Variants in BACE1 observed in about 807,000 individuals in gnomAD.
BACE1 encodes the protein APP beta-secretase.
In BACE1, 21 loss-of-function variants were observed where a neutral mutation model predicts 54.0. The ratio of observed to expected loss-of-function variants is 0.39; its 90% CI spans 0.28 to 0.56. The LOEUF is 0.56. Ranked by LOEUF, BACE1 falls within the 20% of genes least tolerant of loss-of-function variation. The probability of loss-of-function intolerance (pLI) is 0.63; values close to 1 mark genes in which losing one functional copy is unlikely to be tolerated. For missense variants in BACE1, 511 were observed against 661.2 expected, an observed-to-expected ratio of 0.77 and a Z score of 2.49; for synonymous variants, 232 against 260.9, an observed-to-expected ratio of 0.89 and a Z score of 1.07.
chr11:117,295,557 T>C (rs756693364), intron 2 of BACE1: 9 of 1,535,754 alleles, frequency 5.9e-6, no homozygotes, highest in African/African-American at 1.4e-5. Context: ...TTGGTGAGGC[T>C]TGCTCTCCTA....
At position 117,306,369 on chromosome 11, in the gene BACE1, T is replaced by C. The variant is rs1164079719; in HGVS notation, c.261+9166A>G. On this transcript the variant is annotated intron_variant, in intron 1 of 8. Coordinates refer to ENST00000313005, the MANE Select transcript of BACE1 (RefSeq NM_012104.6). ...ACAGGTTACAGTGGCTTGAATCTTC[T>C]CTTGCTCTGTCCTCAGTTGAAAATG... Among the ~76,000 whole-genome samples the C allele has an allele frequency of 5.3e-5, 8 of 152,198 alleles. No individual in the cohort carries two copies. The East Asian group carries it at 5.8e-4, about 11-fold the overall frequency.
intron 1 of BACE1, among the ~76,000 whole-genome samples, chr11:117,301,619 A>G (rs565752213): frequency 6.6e-6 from 1 of 152,016 alleles, no homozygotes; most frequent in South Asian, 2.1e-4. Flanking sequence ...AAAAAAAAAA[A>G]AGGTCAAATT....
chr11:117,294,206 C>T lies in BACE1; in HGVS notation c.568-198G>A, dbSNP rs2034535611. ...AAACAGGACAGTATTGATAGGTTCA[C>T]AGATTCATAGATCTTTTTTTTTTTT... On this transcript the variant is annotated intron_variant, in intron 3 of 8. Transcript: ENST00000313005. 2.9e-5 allele frequency: 12 copies of T among 413,178 alleles called. 1 individual carries two copies. Among genetic ancestry groups the T allele is most frequent in the Admixed American group, 2.1e-4 (5 of 23,384 alleles). The allele number at this position is 413,178 out of a possible 1,614,324, so 25.6% of individuals were successfully genotyped here. A position where few individuals can be genotyped will look rare whatever the true frequency, so the allele number is the denominator to read the frequency against.
Position 117,287,075 on chromosome 11 carries a change from T to G in BACE1, c.*2491A>C, listed in dbSNP as rs1303184033. 6.6e-6 allele frequency: 1 copy of G among 152,154 alleles called. No homozygotes were observed. The highest frequency in any genetic ancestry group is 1.5e-5 in the Non-Finnish European group (1 of 68,030). The allele number at this position is 152,154 out of a possible 1,614,324, so 9.4% of individuals were successfully genotyped here. On this transcript the variant is annotated 3_prime_UTR_variant, in exon 9 of 9. Coordinates refer to ENST00000313005, the MANE Select transcript of BACE1 (RefSeq NM_012104.6). ...CATATTGTTTCTTTTCCAAAATCCT[T>G]TGAAGCCAAAGGAGTAAAGAAAGAA...
At chr11:117,292,887 T>C in intron 5 of BACE1, 167 bp downstream of exon 5, 1 of 751,486 alleles carries the variant, frequency 1.3e-6, no homozygotes, top group South Asian at 2.1e-5. Flanking sequence ...AAACCGCAGA[T>C]CCTGCTGTGT....
rs77759536 is a variant in BACE1, at chr11:117,304,646, C to T, written c.262-7685G>A. Among the ~76,000 whole-genome samples the T allele has an allele frequency of 2.6e-5, 4 of 152,338 alleles. No individual in the cohort carries two copies. The East Asian group carries it at 5.8e-4, about 22-fold the overall frequency. ...GTCTGCAGCATTCTTTCCCTGTTCT[C>T]ATGTTCACATTACACTTTAAATATC... On this transcript the variant is annotated intron_variant, in intron 1 of 8. Coordinates refer to ENST00000313005, the MANE Select transcript of BACE1 (RefSeq NM_012104.6).
rs558921705 is a variant in BACE1 at position 117,297,159 on chromosome 11, G to A, written c.262-198C>T. On this transcript the variant is annotated intron_variant, in intron 1 of 8. Transcript: ENST00000313005. ...ACCTGGGGTCCTGTGGTGCTGCAGG[G>A]GCCAAAGGAACACTTCCCCTGTGCC... 3.9e-4 allele frequency: 208 copies of A among 536,548 alleles called. 2 individuals are homozygous for A. Among genetic ancestry groups the A allele is most frequent in the Non-Finnish European group, 5.8e-4 (179 of 307,858 alleles). 33.2% of individuals were successfully genotyped at this position (536,548 alleles called of 1,614,324 possible). A position where few individuals can be genotyped will look rare whatever the true frequency, so the allele number is the denominator to read the frequency against.
chr11:117,313,249 G>A (rs1053700566), intron 1 of BACE1, among the ~76,000 whole-genome samples: 33 of 152,118 alleles, frequency 2.2e-4, no homozygotes, highest in Admixed American at 2.0e-3. Context: ...CTTTAGTTGT[G>A]GGCTCCCTGG....
chr11:117,307,946 AC>A (rs1189666438), intron 1 of BACE1, among the ~76,000 whole-genome samples: 10 of 151,376 alleles, frequency 6.6e-5, no homozygotes, highest in African/African-American at 2.4e-4. Context: ...ATGGTTTTCA[AC>A]CTTTTTATTG....
intron 5 of BACE1, chr11:117,292,176 CTTTTCTTTTTTTTTT>C (rs1449470890): frequency 1.3e-5 from 1 of 77,660 alleles, no homozygotes; most frequent in Non-Finnish European, 2.7e-5. Flanking sequence ...TTTAACTTTT[CTTTTCTTTTTTTTTT>C]TTTTTTTTTT....
At position 117,291,711 on chromosome 11, in the gene BACE1, C is replaced by A; in HGVS notation, c.942+1G>T. ...TTTACCCCCATCCTTAGTCCACTCACGGAGGAGGCTGCCTTGATGGATTTG... is the reference window on the plus strand; with the variant it reads ...TTTACCCCCATCCTTAGTCCACTCAAGGAGGAGGCTGCCTTGATGGATTTG... On this transcript the variant is annotated splice_donor_variant, in intron 6 of 8. Transcript: ENST00000313005. LOFTEE classifies it high-confidence loss of function. 2 of 1,609,564 alleles carry A rather than the reference C, an allele frequency of 1.2e-6. No homozygotes were observed. Among genetic ancestry groups the A allele is most frequent in the Non-Finnish European group, 1.7e-6 (2 of 1,176,060 alleles).
chr11:117,296,737 T>A, intron 2 of BACE1, 136 bp downstream of exon 2: 1 of 660,226 alleles, frequency 1.5e-6, no homozygotes. Flanking sequence ...GGTCACTGTC[T>A]TTTTTTCGCC....
At chr11:117,291,283 T>G (rs560305021) in intron 6 of BACE1, among the ~76,000 whole-genome samples, 78 of 152,062 alleles carry the variant, frequency 5.1e-4, no homozygotes, top group Non-Finnish European at 8.5e-4. Context: ...GAAGAGTTTT[T>G]TTTTTTTTTT....
At position 117,296,878 on chromosome 11, in the gene BACE1, C is replaced by T; in HGVS notation, c.345G>A (p.Arg115=). 6.2e-7 allele frequency: 1 copy of T among 1,612,890 alleles called. No homozygotes were observed. The change falls in exon 2 of 9, where the codon AGG becomes AGA. Residue 115 remains arginine (R), a synonymous_variant. Transcript: ENST00000313005. ...GGGCTCTCCCCAGGACTCACAGCTG[C>T]CTCTGGTAGTAGCGATGCAGGAAGG... ...PHPFLHRYYQ[R]QLSSTYRDLR... is the part of the protein sequence containing the mutation.
chr11:117,298,158 C>T (rs1476644936), intron 1 of BACE1, among the ~76,000 whole-genome samples: 3 of 152,054 alleles, frequency 2.0e-5, no homozygotes, highest in Non-Finnish European at 2.9e-5. Flanking sequence ...AAAGATTAGC[C>T]GGGTGTGGTG....
chr11:117,290,689 C>T, intron 7 of BACE1, 30 bp from the exon 8 acceptor site: 2 of 1,609,456 alleles, frequency 1.2e-6, no homozygotes, highest in Non-Finnish European at 1.7e-6. Context: ...GGGTGAGTGT[C>T]TTCCTCACTC....
chr11:117,300,362 G>C (rs187039010), intron 1 of BACE1, among the ~76,000 whole-genome samples: 1 of 152,328 alleles, frequency 6.6e-6, no homozygotes, highest in African/African-American at 2.4e-5. Context: ...GCTCCCGCCC[G>C]AGAGAAGTAA....
chr11:117,315,875 T>C lies in BACE1; in HGVS notation c.-80A>G. On this transcript the variant is annotated 5_prime_UTR_variant, in exon 1 of 9. Coordinates refer to ENST00000313005, the MANE Select transcript of BACE1 (RefSeq NM_012104.6). This position sits in a 1 kb window ranked among gnomAD's most constrained non-coding sequence, Gnocchi z 5.5. ...GGCGCCTGCCCCCAAGTCTGGGTGG[T>C]GCTGGTGGCTTCTCAGGAGAGGGAG... 3.0e-6 allele frequency: 4 copies of C among 1,352,958 alleles called. No homozygotes were observed. Among genetic ancestry groups the C allele is most frequent in the Non-Finnish European group, 3.8e-6 (4 of 1,056,002 alleles). 83.8% of individuals were successfully genotyped at this position (1,352,958 alleles called of 1,614,324 possible). A position where few individuals can be genotyped will look rare whatever the true frequency, so the allele number is the denominator to read the frequency against.
intron 1 of BACE1, chr11:117,297,201 A>G (rs1194606133): frequency 1.1e-5 from 5 of 459,068 alleles, no homozygotes; most frequent in Non-Finnish European, 1.1e-5. Context: ...AGGTCTGCTG[A>G]AAAACCAACT....
Sources: allele counts gnomAD v4.1 joint callset (sites outside exome capture counted in the v4.1 genomes callset), GRCh38; gene constraint gnomAD v4.1.1; non-coding constraint Gnocchi (gnomAD v3.1); transcripts MANE v1.5; gene names NCBI Gene and HGNC (gene_info 2026-07-23, HGNC 2026-07-21).